The following OPCML variants were observed in gnomAD, a reference collection of about 807,000 sequenced individuals.
The protein encoded by OPCML is opioid-binding protein/cell adhesion molecule.
OPCML carries 13 observed loss-of-function variants against 37.8 expected under a neutral mutation model. That is an observed-to-expected ratio of 0.34 (90% CI 0.22 to 0.55). OPCML has a LOEUF of 0.55. OPCML is among the 20% of genes least tolerant of loss of function. The probability of loss-of-function intolerance (pLI) is 0.91; values close to 1 mark genes in which losing one functional copy is unlikely to be tolerated. For synonymous variants in OPCML, 176 were observed against 168.8 expected (o/e 1.04, Z -0.33); for missense variants, 341 against 435.6 (o/e 0.78, Z 1.93).
chr11:132,588,788 C>T (rs533604298), intron 3 of OPCML, among the ~76,000 whole-genome samples: 75 of 152,304 alleles, frequency 4.9e-4, no homozygotes, highest in African/African-American at 1.6e-3. Context: ...TCACCTGTAG[C>T]CAGGTTGTGC....
intron 1 of OPCML, among the ~76,000 whole-genome samples, chr11:133,500,324 G>A (rs560214989): frequency 7.2e-5 from 11 of 152,328 alleles, no homozygotes; most frequent in African/African-American, 2.2e-4. Flanking sequence ...CAGTGGGGCT[G>A]TGTCTGCCAC....
intron 4 of OPCML, among the ~76,000 whole-genome samples, chr11:132,495,579 T>C (rs972458605): frequency 6.6e-6 from 1 of 152,174 alleles, no homozygotes; most frequent in Non-Finnish European, 1.5e-5. Flanking sequence ...AGGATGAATA[T>C]TGTATAGAGT....
chr11:132,838,268 C>G (rs1199734401), intron 2 of OPCML, among the ~76,000 whole-genome samples: 1 of 152,010 alleles, frequency 6.6e-6, no homozygotes, highest in Non-Finnish European at 1.5e-5. Context: ...TCAAGAGAAA[C>G]AAGGCAATTA....
At chr11:133,054,961 C>T (rs1414076908) in intron 1 of OPCML, among the ~76,000 whole-genome samples, 9 of 150,786 alleles carry the variant, frequency 6.0e-5, no homozygotes. Context: ...TGGTGAGACC[C>T]CACGAGGGAG....
At chr11:133,112,622 C>T (rs1949273809) in intron 1 of OPCML, among the ~76,000 whole-genome samples, 1 of 151,960 alleles carries the variant, frequency 6.6e-6, no homozygotes, top group Non-Finnish European at 1.5e-5. Flanking sequence ...TAAAAGAAAC[C>T]CTGCAATGAG....
intron 2 of OPCML, among the ~76,000 whole-genome samples, chr11:132,818,963 T>C (rs2136242542): frequency 6.7e-6 from 1 of 149,154 alleles, no homozygotes; most frequent in Admixed American, 6.7e-5. Flanking sequence ...ACCCTCTACT[T>C]GGGGCACACC....
intron 1 of OPCML, among the ~76,000 whole-genome samples, chr11:133,080,474 G>GTTT (rs34982227): frequency 1.2e-4 from 15 of 129,288 alleles, no homozygotes; most frequent in African/African-American, 3.4e-4. Context: ...GTAATCAAAT[G>GTTT]TTTTTTTTTT....
chr11:133,522,932 T>C (rs7106122), intron 1 of OPCML, among the ~76,000 whole-genome samples: 11,119 of 152,230 alleles, frequency 0.073, 1,339 homozygotes, highest in African/African-American at 0.25. Context: ...CAGAGGGGTC[T>C]AGGCGGTGGG....
At chr11:133,140,513 A>AAATTATAATAAT (rs1555102085) in intron 1 of OPCML, among the ~76,000 whole-genome samples, 2 of 95,906 alleles carry the variant, frequency 2.1e-5, no homozygotes, top group African/African-American at 7.9e-5. Context: ...CTCTGTCTCA[A>AAATTATAATAAT]AATAATAATA....
intron 1 of OPCML, among the ~76,000 whole-genome samples, chr11:133,362,995 G>A (rs762631047): frequency 3.3e-5 from 5 of 152,190 alleles, no homozygotes; most frequent in Non-Finnish European, 7.3e-5. Context: ...TTCCCATAGG[G>A]CAGCTTAGTT....
intron 1 of OPCML, among the ~76,000 whole-genome samples, chr11:133,117,580 G>A (rs1949356252): frequency 6.6e-6 from 1 of 152,124 alleles, no homozygotes; most frequent in African/African-American, 2.4e-5. Context: ...ATGCTCATAT[G>A]AGAAGTATTT....
chr11:132,892,540 G>A (rs1231672563), intron 2 of OPCML, among the ~76,000 whole-genome samples: 1 of 152,162 alleles, frequency 6.6e-6, no homozygotes, highest in Non-Finnish European at 1.5e-5. Context: ...AGGCCGAGGC[G>A]GGTGGATCAT....
At chr11:132,428,627 A>T (rs1388322865) in intron 7 of OPCML, among the ~76,000 whole-genome samples, 1 of 152,180 alleles carries the variant, frequency 6.6e-6, no homozygotes, top group Non-Finnish European at 1.5e-5. Flanking sequence ...GAGACACAGT[A>T]TATGGGTTTG....
chr11:133,499,771 A>AATAT (rs374151325), intron 1 of OPCML, among the ~76,000 whole-genome samples: 35 of 141,280 alleles, frequency 2.5e-4, no homozygotes, highest in South Asian at 1.8e-3. Flanking sequence ...CAGAAAAATA[A>AATAT]ATATATATAT....
rs369021047 is a variant in OPCML, at chr11:133,469,217, CA to C, written c.61+63046del. Among the ~76,000 whole-genome samples, 772 of 152,284 alleles carry C rather than the reference CA, an allele frequency of 5.1e-3. 8 individuals carry two copies. Among genetic ancestry groups the C allele is most frequent in the African/African-American group, 0.017 (718 of 41,566 alleles). ...ATGTTCCACATAATGATAGTTCGGC[CA>C]ATGATGGACCACATATATGATAGTG... On this transcript the variant is annotated intron_variant, in intron 1 of 7. Coordinates refer to ENST00000524381, the MANE Select transcript of OPCML (RefSeq NM_001012393.5).
At chr11:133,369,245 G>T (rs1944621065) in intron 1 of OPCML, among the ~76,000 whole-genome samples, 1 of 152,176 alleles carries the variant, frequency 6.6e-6, no homozygotes, top group African/African-American at 2.4e-5. Flanking sequence ...GTTATGCATA[G>T]AAATTTCTTG....
Position 133,103,820 on chromosome 11 carries a change from T to C in OPCML, c.62-160810A>G, listed in dbSNP as rs555313617. Among the ~76,000 whole-genome samples, 78 of 152,298 alleles carry C rather than the reference T, an allele frequency of 5.1e-4. 1 individual carries two copies. In the South Asian group the frequency reaches 0.015, roughly 30 times the overall value. ...CTGTCCAAATGTTCAATCGAGGTAG[T>C]TGGGAAATGTCACCTACACCCAGAT... On this transcript the variant is annotated intron_variant, in intron 1 of 7. Coordinates refer to ENST00000524381, the MANE Select transcript of OPCML (RefSeq NM_001012393.5).
intron 1 of OPCML, among the ~76,000 whole-genome samples, chr11:133,176,581 T>A (rs776170378): frequency 1.3e-5 from 2 of 152,030 alleles, no homozygotes; most frequent in Admixed American, 6.5e-5. Context: ...GTCCTAGAGA[T>A]AGAAGCTCTC....
chr11:133,138,676 A>G (rs545286374), intron 1 of OPCML, among the ~76,000 whole-genome samples: 2 of 152,272 alleles, frequency 1.3e-5, no homozygotes, highest in East Asian at 3.9e-4. Context: ...CCCTCCTCCC[A>G]CAGATGAAGG....
Sources: gnomAD v4.1 joint callset for allele counts (sites outside exome capture counted in the v4.1 genomes callset) on GRCh38, gnomAD v4.1.1 for gene constraint, MANE v1.5 for transcripts, NCBI Gene and HGNC (gene_info 2026-07-23, HGNC 2026-07-21) for gene names.